Variants in RSPO2 observed in about 807,000 individuals in gnomAD.
RSPO2 encodes R-spondin-2.
A neutral mutation model predicts 30.9 loss-of-function variants in RSPO2; 14 were observed. That is an observed-to-expected ratio of 0.45 (90% CI 0.30 to 0.71). The LOEUF is 0.71. Ranked by LOEUF, RSPO2 falls within the 30% of genes least tolerant of loss-of-function variation. The pLI is 0.08. For synonymous variants in RSPO2, 107 were observed against 96.4 expected, an observed-to-expected ratio of 1.11 and a Z score of -0.64; for missense variants, 264 against 301.9, an observed-to-expected ratio of 0.87 and a Z score of 0.93.
At chr8:108,041,972 A>T (rs118165021) in intron 2 of RSPO2, among the ~76,000 whole-genome samples, 56 of 152,240 alleles carry the variant, frequency 3.7e-4, no homozygotes, top group Non-Finnish European at 7.4e-4. Context: ...AAAAAATAGT[A>T]AAAATAATAA....
chr8:107,976,679 A>T (rs1339763372), intron 3 of RSPO2, among the ~76,000 whole-genome samples: 1 of 152,186 alleles, frequency 6.6e-6, no homozygotes, highest in Non-Finnish European at 1.5e-5. Flanking sequence ...GTTAAAGAGT[A>T]ATTTAAGGCA....
intron 5 of RSPO2, among the ~76,000 whole-genome samples, chr8:107,911,008 A>T (rs1038810765): frequency 6.6e-6 from 1 of 152,196 alleles, no homozygotes; most frequent in African/African-American, 2.4e-5. Context: ...TGAGAGTTGG[A>T]GCAAAGATAT....
chr8:107,900,016 TAAATTTGGGGGAAA>T lies in RSPO2; in HGVS notation c.*1045_*1058del, dbSNP rs1237864835. On this transcript the variant is annotated 3_prime_UTR_variant, in exon 6 of 6. Coordinates refer to ENST00000276659, the MANE Select transcript of RSPO2 (RefSeq NM_178565.5). Reference sequence around the variant, plus strand: ...TGTCATTTAAAGCCAGGGATTGCTTTAAATTTGGGGGAAAAAAATTGCAGTCAGAAATAATGTTT... The same window carrying T: ...TGTCATTTAAAGCCAGGGATTGCTTTAAAATTGCAGTCAGAAATAATGTTT... The T allele has an allele frequency of 6.7e-6, 1 of 150,100 alleles. No homozygotes were observed. Among genetic ancestry groups the T allele is most frequent in the Non-Finnish European group, 1.5e-5 (1 of 67,342 alleles). The allele number at this position is 150,100 out of a possible 1,614,324, so 9.3% of individuals were successfully genotyped here. A position where few individuals can be genotyped will look rare whatever the true frequency, so the allele number is the denominator to read the frequency against.
intron 5 of RSPO2, among the ~76,000 whole-genome samples, chr8:107,932,720 T>C (rs1475300590): frequency 1.3e-5 from 2 of 152,028 alleles, no homozygotes; most frequent in Non-Finnish European, 2.9e-5. Context: ...GGTGCTGACT[T>C]CCAATTGTCT....
Position 107,942,709 on chromosome 8 carries a change from T to C in RSPO2, c.616+15371A>G, listed in dbSNP as rs186093893. ...CACATTTGCTTTTTCTAGTTGTTCA[T>C]GGGTAAAAATACTTTTGGCTAATAA... On this transcript the variant is annotated intron_variant, in intron 5 of 5. Coordinates refer to ENST00000276659, the MANE Select transcript of RSPO2 (RefSeq NM_178565.5). Among the ~76,000 whole-genome samples, 503 of 152,320 alleles carry C rather than the reference T, an allele frequency of 3.3e-3. 19 individuals carry two copies. The South Asian group carries it at 0.08, about 24-fold the overall frequency.
intron 5 of RSPO2, among the ~76,000 whole-genome samples, chr8:107,925,649 G>A (rs924877223): frequency 2.0e-5 from 3 of 151,794 alleles, no homozygotes; most frequent in African/African-American, 7.3e-5. Flanking sequence ...GTGAGAACAT[G>A]TGGTGTTTGG....
chr8:108,072,221 C>T (rs895727573), intron 2 of RSPO2, among the ~76,000 whole-genome samples: 14 of 151,330 alleles, frequency 9.3e-5, no homozygotes, highest in Admixed American at 4.6e-4. Flanking sequence ...AATGATGACA[C>T]AGCGCAGATC....
chr8:107,987,891 AAT>A (rs1814702342), intron 3 of RSPO2, among the ~76,000 whole-genome samples: 4 of 152,064 alleles, frequency 2.6e-5, no homozygotes, highest in Admixed American at 2.0e-4. Context: ...CACTCTCATA[AAT>A]ATGAGATTTA....
At chr8:108,081,000 A>C (rs1813176637) in intron 2 of RSPO2, among the ~76,000 whole-genome samples, 3 of 152,228 alleles carry the variant, frequency 2.0e-5, no homozygotes, top group Admixed American at 2.0e-4. Context: ...CTTTTTCAAG[A>C]CAAGTATCAA....
intron 2 of RSPO2, among the ~76,000 whole-genome samples, chr8:108,020,108 G>T (rs1486807902): frequency 3.3e-5 from 5 of 150,642 alleles, no homozygotes; most frequent in African/African-American, 1.2e-4. Context: ...AGAAGAAACA[G>T]TAGCTTTTCC....
chr8:107,991,813 G>T (rs533534387), intron 2 of RSPO2, among the ~76,000 whole-genome samples: 1 of 152,094 alleles, frequency 6.6e-6, no homozygotes, highest in Non-Finnish European at 1.5e-5. Flanking sequence ...TTAAAGAAAT[G>T]CAAATAAGAA....
chr8:108,058,039 TC>T (rs751788478), intron 2 of RSPO2, among the ~76,000 whole-genome samples: 2 of 152,286 alleles, frequency 1.3e-5, no homozygotes, highest in East Asian at 3.9e-4. Context: ...AGAGAGGGCA[TC>T]CCTGTCTTGT....
At chr8:108,004,396 G>T (rs374802699) in intron 2 of RSPO2, among the ~76,000 whole-genome samples, 1 of 152,288 alleles carries the variant, frequency 6.6e-6, no homozygotes, top group African/African-American at 2.4e-5. Context: ...GATAGATCCT[G>T]CCCTGGCTAA....
intron 3 of RSPO2, chr8:107,983,878 A>G: frequency 1.3e-6 from 2 of 1,482,816 alleles, no homozygotes; most frequent in Admixed American, 1.7e-5. Flanking sequence ...AAAGCCAAGG[A>G]CATTCCTGTC....
At chr8:108,011,903 T>G (rs1810721775) in intron 2 of RSPO2, among the ~76,000 whole-genome samples, 1 of 152,228 alleles carries the variant, frequency 6.6e-6, no homozygotes, top group Non-Finnish European at 1.5e-5. Flanking sequence ...TACTGAGTTT[T>G]ACTGCCAGTA....
chr8:108,059,240 A>G (rs987619599), intron 2 of RSPO2, among the ~76,000 whole-genome samples: 1 of 151,928 alleles, frequency 6.6e-6, no homozygotes, highest in African/African-American at 2.4e-5. Flanking sequence ...CCAAAAAAAA[A>G]CATGAAAAAA....
intron 2 of RSPO2, among the ~76,000 whole-genome samples, chr8:108,055,830 A>G (rs963168191): frequency 3.9e-5 from 6 of 152,162 alleles, no homozygotes; most frequent in Non-Finnish European, 2.9e-5. Context: ...TATGCCCAAC[A>G]TCTCCCACCT....
intron 2 of RSPO2, among the ~76,000 whole-genome samples, chr8:108,014,201 T>C (rs577562986): frequency 7.2e-5 from 11 of 152,028 alleles, no homozygotes; most frequent in Admixed American, 3.3e-4. Context: ...CAACAGATGC[T>C]GGAGAGGATG....
chr8:108,011,596 G>T (rs570313375), intron 2 of RSPO2, among the ~76,000 whole-genome samples: 1 of 152,126 alleles, frequency 6.6e-6, no homozygotes, highest in Non-Finnish European at 1.5e-5. Flanking sequence ...TTATTTCTTA[G>T]TTTTTGCTTT....
Sources: gnomAD v4.1 joint callset for allele counts (sites outside exome capture counted in the v4.1 genomes callset) on GRCh38, gnomAD v4.1.1 for gene constraint, MANE v1.5 for transcripts, NCBI Gene and HGNC (gene_info 2026-07-23, HGNC 2026-07-21) for gene names.